DSCAM: variants seen among roughly 807,000 people sequenced by gnomAD.
DSCAM encodes cell adhesion molecule DSCAM.
In DSCAM, 47 loss-of-function variants were observed where a neutral mutation model predicts 217.7. The observed-to-expected ratio is 0.22, with a 90% CI of 0.17 to 0.28. The LOEUF (loss-of-function observed/expected upper bound fraction) is 0.28, where lower values mean the gene tolerates loss of function less well. Ranked by LOEUF, DSCAM falls within the 10% of genes least tolerant of loss-of-function variation. DSCAM has a pLI of 1.00. For missense variants in DSCAM, 2,080 were observed against 2,618.3 expected (o/e 0.79, Z 4.49); for synonymous variants, 1,056 against 1,015.3 (o/e 1.04, Z -0.76).
intron 3 of DSCAM, among the ~76,000 whole-genome samples, chr21:40,507,448 T>C (rs138183165): frequency 3.7e-4 from 57 of 152,304 alleles, no homozygotes; most frequent in Middle Eastern, 6.8e-3. Flanking sequence ...TGTATTTCTA[T>C]AGCAGGCAAA....
chr21:40,426,881 C>G (rs1220928050), intron 3 of DSCAM, among the ~76,000 whole-genome samples: 1 of 152,098 alleles, frequency 6.6e-6, no homozygotes, highest in Non-Finnish European at 1.5e-5. Context: ...CTCACATTTG[C>G]TCTTTCTTCA....
intron 3 of DSCAM, among the ~76,000 whole-genome samples, chr21:40,668,791 C>A (rs2090234258): frequency 6.6e-6 from 1 of 152,044 alleles, no homozygotes; most frequent in African/African-American, 2.4e-5. Context: ...TAACAGCTTT[C>A]CTGGAAGATG....
chr21:40,482,471 T>G (rs2075991499), intron 3 of DSCAM, among the ~76,000 whole-genome samples: 1 of 152,212 alleles, frequency 6.6e-6, no homozygotes, highest in African/African-American at 2.4e-5. Context: ...TATTTTTTAA[T>G]ATAGAGAATT....
At chr21:40,342,637 TATATA>T in intron 6 of DSCAM, among the ~76,000 whole-genome samples, 1 of 97,444 alleles carries the variant, frequency 1.0e-5, no homozygotes, top group African/African-American at 4.1e-5. Context: ...TATATATATA[TATATA>T]TATATATTTT....
intron 3 of DSCAM, among the ~76,000 whole-genome samples, chr21:40,591,952 T>C (rs2076987340): frequency 6.6e-6 from 1 of 152,176 alleles, no homozygotes; most frequent in African/African-American, 2.4e-5. Flanking sequence ...GGGTCTTACT[T>C]TGACCTTAGC....
intron 9 of DSCAM, among the ~76,000 whole-genome samples, chr21:40,297,352 G>A (rs567425239): frequency 3.9e-5 from 6 of 152,212 alleles, no homozygotes; most frequent in South Asian, 4.2e-4. Flanking sequence ...TCTAATCCCC[G>A]TATCTTTCCC....
chr21:40,459,883 G>A (rs1364877022), intron 3 of DSCAM, among the ~76,000 whole-genome samples: 1 of 152,164 alleles, frequency 6.6e-6, no homozygotes, highest in Non-Finnish European at 1.5e-5. Flanking sequence ...GATAAATGGT[G>A]TTGAGGCAAC....
chr21:40,130,760 C>G (rs1013845173), intron 19 of DSCAM, among the ~76,000 whole-genome samples: 1 of 152,190 alleles, frequency 6.6e-6, no homozygotes, highest in African/African-American at 2.4e-5. Flanking sequence ...CTGTAGAGAA[C>G]AAGCACAGAC....
Position 40,520,224 on chromosome 21 carries a change from G to A in DSCAM, c.509-150979C>T, listed in dbSNP as rs116311031. ...ACAAACTTCCAGTTGAATTTTGGTG[G>A]TATACTTACTTGCTCTCATTCTAGA... is the stretch of plus-strand genomic sequence containing the variant. On this transcript the variant is annotated intron_variant, in intron 3 of 32. Coordinates refer to ENST00000400454, the MANE Select transcript of DSCAM (RefSeq NM_001389.5). Among the ~76,000 whole-genome samples the A allele has an allele frequency of 5.2e-3, 791 of 152,116 alleles. 10 individuals are homozygous for A. Among genetic ancestry groups the A allele is most frequent in the African/African-American group, 0.018 (742 of 41,492 alleles).
rs936273576 is a variant in DSCAM, at chr21:40,012,973, A to G, written c.*61T>C. 5.1e-6 allele frequency: 6 copies of G among 1,187,748 alleles called. No individual in the cohort carries two copies. Among genetic ancestry groups the G allele is most frequent in the Non-Finnish European group, 6.6e-6 (6 of 905,304 alleles). 73.6% of individuals were successfully genotyped at this position (1,187,748 alleles called of 1,614,324 possible). ...TAAATATTGGAATTCCGTAAAAAAA[A>G]GGTAGCTTTGATTGAATTGTTTGAA... On this transcript the variant is annotated 3_prime_UTR_variant, in exon 33 of 33. Transcript: ENST00000400454.
chr21:40,606,580 A>G (rs1311053070), intron 3 of DSCAM, among the ~76,000 whole-genome samples: 3 of 152,174 alleles, frequency 2.0e-5, no homozygotes, highest in African/African-American at 7.2e-5. Context: ...AGTTTTACCA[A>G]ACGGGTGCAT....
At chr21:40,825,666 A>G (rs556000782) in intron 1 of DSCAM, among the ~76,000 whole-genome samples, 94 of 152,308 alleles carry the variant, frequency 6.2e-4, no homozygotes, top group African/African-American at 2.2e-3. Context: ...TGTATTCCTC[A>G]AAGTATATAC....
intron 3 of DSCAM, among the ~76,000 whole-genome samples, chr21:40,391,921 C>T (rs1317099231): frequency 6.6e-6 from 1 of 152,120 alleles, no homozygotes; most frequent in Non-Finnish European, 1.5e-5. Flanking sequence ...TTCTTTCTTC[C>T]CAGAGAGAAA....
At chr21:40,378,546 G>C in intron 3 of DSCAM, among the ~76,000 whole-genome samples, 2 of 124,816 alleles carry the variant, frequency 1.6e-5, no homozygotes, top group Admixed American at 8.3e-5. Flanking sequence ...ATTTAACAAT[G>C]AAAACTTATT....
At chr21:40,720,201 G>A (rs1360747707) in intron 1 of DSCAM, among the ~76,000 whole-genome samples, 2 of 152,202 alleles carry the variant, frequency 1.3e-5, no homozygotes, top group Non-Finnish European at 2.9e-5. Context: ...ATAGGAATAC[G>A]TGAGTGGGTA....
intron 10 of DSCAM, among the ~76,000 whole-genome samples, chr21:40,283,677 T>A (rs2073791345): frequency 6.6e-6 from 1 of 152,244 alleles, no homozygotes; most frequent in African/African-American, 2.4e-5. Flanking sequence ...AAACTACCCA[T>A]GCCTTACAGC....
chr21:40,815,589 G>A (rs1418538401), intron 1 of DSCAM, among the ~76,000 whole-genome samples: 1 of 152,222 alleles, frequency 6.6e-6, no homozygotes, highest in East Asian at 1.9e-4. Context: ...TGCTGAGAAA[G>A]TGATAATAAT....
chr21:40,208,774 C>A (rs767971731), intron 11 of DSCAM, among the ~76,000 whole-genome samples: 7 of 152,144 alleles, frequency 4.6e-5, no homozygotes, highest in Non-Finnish European at 1.0e-4. Flanking sequence ...GGTTGCGAAA[C>A]AGAAATATGG....
chr21:40,667,804 C>T (rs1032135082), intron 3 of DSCAM, among the ~76,000 whole-genome samples: 1 of 152,088 alleles, frequency 6.6e-6, no homozygotes, highest in Non-Finnish European at 1.5e-5. Flanking sequence ...CTGAGGCCTC[C>T]CCAGCCATGT....
Sources: gnomAD v4.1 joint callset for allele counts (sites outside exome capture counted in the v4.1 genomes callset) on GRCh38, gnomAD v4.1.1 for gene constraint, MANE v1.5 for transcripts, NCBI Gene and HGNC (gene_info 2026-07-23, HGNC 2026-07-21) for gene names.